Variants in PHF24 observed in about 807,000 individuals in gnomAD.
The protein encoded by PHF24 is Galpha inhibitory interacting protein.
In PHF24, 25 loss-of-function variants were observed where a neutral mutation model predicts 42.6. The observed-to-expected ratio is 0.59, with a 90% CI of 0.43 to 0.82. PHF24 has a LOEUF of 0.82. PHF24 is among the 40% of genes least tolerant of loss of function. PHF24 has a pLI of 0.00. For missense variants in PHF24, 470 were observed against 538.1 expected (o/e 0.87, Z 1.25); for synonymous variants, 185 against 204.8 (o/e 0.90, Z 0.83).
chr9:34,687,076 G>A, the PHF24 span, among the ~76,000 whole-genome samples: 2 of 151,996 alleles, frequency 1.3e-5, no homozygotes, highest in Non-Finnish European at 2.9e-5. Flanking sequence ...GGAAAAAGAG[G>A]AAGGCAGAAA....
intron 1 of PHF24, among the ~76,000 whole-genome samples, chr9:34,965,461 A>G (rs1188143027): frequency 6.6e-6 from 1 of 152,240 alleles, no homozygotes; most frequent in Non-Finnish European, 1.5e-5. Context: ...GAACCATCTC[A>G]GCTAAAAGGA....
the PHF24 span, among the ~76,000 whole-genome samples, chr9:34,908,346 T>C: frequency 1.3e-5 from 2 of 152,148 alleles, no homozygotes; most frequent in African/African-American, 2.4e-5. Context: ...TACATTTGTT[T>C]ATGTGAAAGG....
chr9:34,708,731 G>C, the PHF24 span, among the ~76,000 whole-genome samples: 1 of 152,224 alleles, frequency 6.6e-6, no homozygotes, highest in Admixed American at 6.5e-5. Flanking sequence ...GTGCAGGACA[G>C]AATCAGGGTC....
chr9:34,843,849 G>A, the PHF24 span, among the ~76,000 whole-genome samples: 1 of 151,850 alleles, frequency 6.6e-6, no homozygotes, highest in Non-Finnish European at 1.5e-5. Flanking sequence ...TGGGATTACA[G>A]GTGTGAACCA....
the PHF24 span, among the ~76,000 whole-genome samples, chr9:34,740,890 C>T: frequency 2.0e-5 from 3 of 146,576 alleles, no homozygotes; most frequent in Non-Finnish European, 3.0e-5. Flanking sequence ...CTCTCTCTCT[C>T]TTTTTTTTTT....
At chr9:34,705,746 T>C in the PHF24 span, among the ~76,000 whole-genome samples, 1 of 152,126 alleles carries the variant, frequency 6.6e-6, no homozygotes, top group African/African-American at 2.4e-5. Flanking sequence ...TGATTTACGT[T>C]TTATGGTTTT....
chr9:34,720,156 C>T, the PHF24 span, among the ~76,000 whole-genome samples: 2 of 152,100 alleles, frequency 1.3e-5, no homozygotes. Context: ...CAAAACATGT[C>T]ATAAAGGGCC....
the PHF24 span, among the ~76,000 whole-genome samples, chr9:34,684,504 GTT>G: frequency 1.8e-3 from 272 of 152,270 alleles, 1 homozygote; most frequent in Non-Finnish European, 2.8e-3. Context: ...CAGTGGTAGG[GTT>G]TCCTGAGAGG....
the PHF24 span, chr9:34,723,129 T>C: frequency 7.3e-7 from 1 of 1,373,658 alleles, no homozygotes; most frequent in Non-Finnish European, 9.7e-7. Flanking sequence ...ATACTGGTCC[T>C]CTGGAGGGCT....
the PHF24 span, among the ~76,000 whole-genome samples, chr9:34,882,667 G>T: frequency 3.3e-5 from 5 of 152,088 alleles, no homozygotes; most frequent in South Asian, 8.3e-4. Context: ...AGATGTGAAG[G>T]ACCTCTTCAA....
chr9:34,937,173 G>A, the PHF24 span, among the ~76,000 whole-genome samples: 3,809 of 152,318 alleles, frequency 0.025, 147 homozygotes, highest in African/African-American at 0.085. Context: ...TTGAGAACGG[G>A]CCATGATGAT....
the PHF24 span, among the ~76,000 whole-genome samples, chr9:34,864,655 T>C: frequency 6.6e-6 from 1 of 152,172 alleles, no homozygotes; most frequent in Non-Finnish European, 1.5e-5. Context: ...AAGGGAGTAC[T>C]TCAATCAGAA....
chr9:34,735,283 C>A, the PHF24 span, among the ~76,000 whole-genome samples: 1 of 151,008 alleles, frequency 6.6e-6, no homozygotes, highest in Admixed American at 6.6e-5. Flanking sequence ...TTACAGGCGC[C>A]CGCCACTATG....
At chr9:34,911,417 A>G in the PHF24 span, among the ~76,000 whole-genome samples, 1 of 151,800 alleles carries the variant, frequency 6.6e-6, no homozygotes, top group Non-Finnish European at 1.5e-5. Context: ...CCACGCCTGG[A>G]TAATTTTTTG....
chr9:34,945,753 A>G, the PHF24 span, among the ~76,000 whole-genome samples: 4 of 152,302 alleles, frequency 2.6e-5, no homozygotes, highest in East Asian at 7.7e-4. Flanking sequence ...TGCCAGTGCC[A>G]TGCTCTTCTT....
the PHF24 span, among the ~76,000 whole-genome samples, chr9:34,910,766 C>T: frequency 2.6e-5 from 4 of 151,622 alleles, no homozygotes; most frequent in East Asian, 5.8e-4. Flanking sequence ...TTTTAGTTTA[C>T]CCTATAGAAA....
the PHF24 span, among the ~76,000 whole-genome samples, chr9:34,699,744 G>A: frequency 1.3e-5 from 2 of 152,162 alleles, no homozygotes; most frequent in Non-Finnish European, 2.9e-5. Flanking sequence ...TATTTATTGA[G>A]GGCCTCCTAT....
the PHF24 span, among the ~76,000 whole-genome samples, chr9:34,796,340 T>G: frequency 6.6e-6 from 1 of 151,524 alleles, no homozygotes; most frequent in Non-Finnish European, 1.5e-5. Context: ...GACATGATAC[T>G]AAAAGAATGG....
chr9:34,978,589 C>A lies in PHF24; in HGVS notation c.*478C>A, dbSNP rs562551303. 7.1e-5 allele frequency: 11 copies of A among 155,794 alleles called. No homozygotes were observed. In the South Asian group the frequency reaches 2.2e-3, roughly 30 times the overall value. 9.7% of individuals were successfully genotyped at this position (155,794 alleles called of 1,614,324 possible). A position where few individuals can be genotyped will look rare whatever the true frequency, so the allele number is the denominator to read the frequency against. On this transcript the variant is annotated 3_prime_UTR_variant, in exon 8 of 8. Transcript: ENST00000242315. ...TCTTAGGAAGGGGGCATGTCAGACTCGCATGCCTGCCTAGAGCTCCTGGAG... is the reference window on the plus strand; with the variant it reads ...TCTTAGGAAGGGGGCATGTCAGACTAGCATGCCTGCCTAGAGCTCCTGGAG...
Sources: allele counts gnomAD v4.1 joint callset (sites outside exome capture counted in the v4.1 genomes callset), GRCh38; gene constraint gnomAD v4.1.1; transcripts MANE v1.5; gene names NCBI Gene and HGNC (gene_info 2026-07-23, HGNC 2026-07-21).